The following MSI2 variants were observed in gnomAD, a reference collection of about 807,000 sequenced individuals.
MSI2 encodes the protein musashi RNA binding protein 2.
Under a neutral mutation model 45.6 loss-of-function variants are expected in MSI2, and 17 were observed. The ratio of observed to expected loss-of-function variants is 0.37; its 90% CI spans 0.26 to 0.56. The LOEUF is 0.56. MSI2 is among the 20% of genes least tolerant of loss of function. MSI2 has a pLI of 0.77. For missense variants in MSI2, 293 were observed against 444.2 expected (o/e 0.66, Z 3.06); for synonymous variants, 156 against 158.2 (o/e 0.99, Z 0.11).
chr17:57,355,251 C>G (rs1486400620), intron 5 of MSI2, among the ~76,000 whole-genome samples: 1 of 152,230 alleles, frequency 6.6e-6, no homozygotes, highest in Non-Finnish European at 1.5e-5. Flanking sequence ...CGTCAGGATT[C>G]TGGATGCACA....
chr17:57,512,966 TCC>T (rs201920384), intron 6 of MSI2, among the ~76,000 whole-genome samples: 46,032 of 109,760 alleles, frequency 0.42, 8,889 homozygotes, highest in African/African-American at 0.51. Context: ...ATTAGCTTCT[TCC>T]TTTTTTTTTT....
chr17:57,486,263 A>G (rs2143778239), intron 6 of MSI2, among the ~76,000 whole-genome samples: 1 of 152,342 alleles, frequency 6.6e-6, no homozygotes, highest in South Asian at 2.1e-4. Flanking sequence ...TTGTCTGAGA[A>G]CCAGAAATGA....
At chr17:57,588,794 G>A (rs373442686) in intron 7 of MSI2, among the ~76,000 whole-genome samples, 20 of 152,328 alleles carry the variant, frequency 1.3e-4, no homozygotes, top group East Asian at 9.6e-4. Context: ...GTTCAGGGGT[G>A]CAGTTGTTGG....
chr17:57,686,508 C>T (rs962183883), downstream of MSI2, among the ~76,000 whole-genome samples: 13 of 152,036 alleles, frequency 8.6e-5, no homozygotes, highest in East Asian at 1.9e-4. Context: ...AACCCGGTTA[C>T]GTGCTGTGTA....
chr17:57,537,369 G>T (rs1467887018), intron 7 of MSI2, among the ~76,000 whole-genome samples: 1 of 152,194 alleles, frequency 6.6e-6, no homozygotes, highest in African/African-American at 2.4e-5. Flanking sequence ...AAAGGAGGGG[G>T]TGGGATAAAG....
chr17:57,575,126 G>A (rs971617504), intron 7 of MSI2, among the ~76,000 whole-genome samples: 20 of 151,300 alleles, frequency 1.3e-4, no homozygotes, highest in South Asian at 1.0e-3. Flanking sequence ...CACTGTGCCC[G>A]GCCGCATTCT....
intron 5 of MSI2, 79 bp from the exon 6 acceptor site, chr17:57,401,300 C>A: frequency 8.7e-7 from 1 of 1,148,362 alleles, no homozygotes; most frequent in Non-Finnish European, 1.3e-6. Flanking sequence ...ATGTGGAGAG[C>A]AGATTGTTTC....
chr17:57,498,659 A>G (rs755461675), intron 6 of MSI2, among the ~76,000 whole-genome samples: 3 of 152,226 alleles, frequency 2.0e-5, no homozygotes, highest in African/African-American at 4.8e-5. Context: ...TCTGCAGTAC[A>G]CAGCATGTTT....
intron 5 of MSI2, among the ~76,000 whole-genome samples, chr17:57,373,756 T>A (rs1282010307): frequency 6.6e-6 from 1 of 152,226 alleles, no homozygotes; most frequent in Non-Finnish European, 1.5e-5. Context: ...GCTGCCACTG[T>A]CCTGCTGTGA....
intron 8 of MSI2, among the ~76,000 whole-genome samples, chr17:57,604,583 C>A (rs1441215262): frequency 6.6e-6 from 1 of 152,200 alleles, no homozygotes; most frequent in African/African-American, 2.4e-5. Flanking sequence ...GAGTCCCACT[C>A]TTCACCTGAC....
rs146663885 is a variant in MSI2 at position 57,468,328 on chromosome 17, G to T, written c.406-61348G>T. On this transcript the variant is annotated intron_variant, in intron 6 of 13. Coordinates refer to ENST00000284073, the MANE Select transcript of MSI2 (RefSeq NM_138962.4). ...GATCACGAGGTCAGGAGATCAAGTGGCTAACACGGTGAAACCCCGTCTCTA... is the reference window on the plus strand; with the variant it reads ...GATCACGAGGTCAGGAGATCAAGTGTCTAACACGGTGAAACCCCGTCTCTA... Among the ~76,000 whole-genome samples, 952 of 151,654 alleles carry T rather than the reference G, an allele frequency of 6.3e-3. 10 individuals carry two copies. Among genetic ancestry groups the T allele is most frequent in the African/African-American group, 0.021 (884 of 41,348 alleles).
At position 57,600,623 on chromosome 17, in the gene MSI2, C is replaced by T. The variant is rs75266713; in HGVS notation, c.537+3673C>T. Among the ~76,000 whole-genome samples, 1,398 of 152,228 alleles carry T rather than the reference C, an allele frequency of 9.2e-3. 25 individuals are homozygous for T. Among genetic ancestry groups the T allele is most frequent in the African/African-American group, 0.031 (1,279 of 41,522 alleles). On this transcript the variant is annotated intron_variant, in intron 8 of 13. Transcript: ENST00000284073. ...ACCATGCAGAAGGGCCAGGAGAAGG[C>T]GTGAGTCATTCTACTCACAGGGGAC...
At chr17:57,603,957 C>T (rs1436262376) in intron 8 of MSI2, among the ~76,000 whole-genome samples, 1 of 152,254 alleles carries the variant, frequency 6.6e-6, no homozygotes, top group Admixed American at 6.5e-5. Flanking sequence ...GTGCCCCAAA[C>T]AGGCACACGA....
chr17:57,362,170 A>G (rs1287081641), intron 5 of MSI2, among the ~76,000 whole-genome samples: 2 of 152,198 alleles, frequency 1.3e-5, no homozygotes, highest in African/African-American at 4.8e-5. Context: ...TTGTAAACAA[A>G]ATGAGGTTGG....
intron 8 of MSI2, among the ~76,000 whole-genome samples, chr17:57,605,041 C>T (rs1906396318): frequency 6.6e-6 from 1 of 152,138 alleles, no homozygotes. Context: ...CATTCTCACT[C>T]GTAAGCTAAT....
intron 6 of MSI2, among the ~76,000 whole-genome samples, chr17:57,514,464 G>A (rs1275719301): frequency 1.3e-5 from 2 of 152,152 alleles, no homozygotes; most frequent in African/African-American, 4.8e-5. Context: ...AAATATGTTA[G>A]ATTGCAGTGC....
intron 5 of MSI2, among the ~76,000 whole-genome samples, chr17:57,330,122 G>A (rs915857013): frequency 1.3e-5 from 2 of 151,976 alleles, no homozygotes; most frequent in Admixed American, 1.3e-4. Context: ...CTGGACAAGA[G>A]GGCATCTAGT....
intron 5 of MSI2, among the ~76,000 whole-genome samples, chr17:57,314,955 C>G (rs1344308293): frequency 6.6e-6 from 1 of 152,112 alleles, no homozygotes; most frequent in Non-Finnish European, 1.5e-5. Flanking sequence ...TGGTTCTCAG[C>G]CTTGGCTGCA....
chr17:57,425,713 T>G (rs549030179), intron 6 of MSI2, among the ~76,000 whole-genome samples: 1 of 152,356 alleles, frequency 6.6e-6, no homozygotes, highest in African/African-American at 2.4e-5. Context: ...AGGACCGCCC[T>G]TGTGCATGCA....
Sources: allele counts gnomAD v4.1 joint callset (sites outside exome capture counted in the v4.1 genomes callset), GRCh38; gene constraint gnomAD v4.1.1; transcripts MANE v1.5; gene names NCBI Gene and HGNC (gene_info 2026-07-23, HGNC 2026-07-21).